ANKS1B: variants seen among roughly 807,000 people sequenced by gnomAD.
The protein encoded by ANKS1B is ankyrin repeat and sterile alpha motif domain-containing protein 1B.
Under a neutral mutation model 148.3 loss-of-function variants are expected in ANKS1B, and 36 were observed. The ratio of observed to expected loss-of-function variants is 0.24; its 90% confidence interval spans 0.19 to 0.32. The LOEUF (loss-of-function observed/expected upper bound fraction) is 0.32. Ranked by LOEUF, ANKS1B falls within the 10% of genes least tolerant of loss-of-function variation. The pLI is 1.00. For synonymous variants in ANKS1B, 542 were observed against 560.8 expected (o/e 0.97, Z 0.47); for missense variants, 1,157 against 1,542.6 (o/e 0.75, Z 4.19).
intron 17 of ANKS1B, among the ~76,000 whole-genome samples, chr12:98,840,093 G>T (rs1197092478): frequency 6.6e-6 from 1 of 152,146 alleles, no homozygotes; most frequent in African/African-American, 2.4e-5. Flanking sequence ...AACAAATGAA[G>T]CAGGGGAGAT....
At chr12:98,976,328 A>C (rs899756178) in intron 17 of ANKS1B, 7 of 152,242 alleles carry the variant, frequency 4.6e-5, no homozygotes, top group African/African-American at 7.2e-5. Context: ...AGTCAAGCCT[A>C]GCCATGCTAG....
At chr12:98,759,534 C>T (rs1257889657) in intron 25 of ANKS1B, among the ~76,000 whole-genome samples, 1 of 152,112 alleles carries the variant, frequency 6.6e-6, no homozygotes, top group Non-Finnish European at 1.5e-5. Context: ...AGATGGTGGG[C>T]AATCTGTCCC....
At chr12:99,836,778 G>A (rs565860600) in intron 1 of ANKS1B, among the ~76,000 whole-genome samples, 1 of 152,178 alleles carries the variant, frequency 6.6e-6, no homozygotes, top group Admixed American at 6.5e-5. Context: ...TCTCTGCATA[G>A]ATATAATTCC....
At chr12:99,466,628 A>G (rs1357543769) in intron 10 of ANKS1B, among the ~76,000 whole-genome samples, 1 of 150,538 alleles carries the variant, frequency 6.6e-6, no homozygotes, top group African/African-American at 2.5e-5. Context: ...TCCCACAGAA[A>G]TACAAACTAA....
chr12:99,441,631 G>T (rs535114068), intron 11 of ANKS1B, among the ~76,000 whole-genome samples: 2 of 151,976 alleles, frequency 1.3e-5, no homozygotes, highest in African/African-American at 4.8e-5. Flanking sequence ...GGCTGCATTG[G>T]TTCTAATTTA....
chr12:99,055,225 C>T (rs1190409926), intron 16 of ANKS1B, among the ~76,000 whole-genome samples: 1 of 152,156 alleles, frequency 6.6e-6, no homozygotes, highest in African/African-American at 2.4e-5. Flanking sequence ...ACTCTGTTAA[C>T]CTAAATAATC....
intron 9 of ANKS1B, among the ~76,000 whole-genome samples, chr12:99,631,165 G>A (rs902473175): frequency 3.3e-5 from 5 of 152,120 alleles, no homozygotes; most frequent in Non-Finnish European, 7.3e-5. Flanking sequence ...CCAGTCTCGG[G>A]TATGTCTTTA....
At chr12:99,543,917 G>C (rs1311617987) in intron 9 of ANKS1B, among the ~76,000 whole-genome samples, 1 of 152,084 alleles carries the variant, frequency 6.6e-6, no homozygotes, top group African/African-American at 2.4e-5. Flanking sequence ...AACACATGAG[G>C]AATGCCTGTG....
At position 99,889,845 on chromosome 12, in the gene ANKS1B, G is replaced by A. The variant is rs189952880; in HGVS notation, c.135-64456C>T. ...AGAACCTAAATATTAGGCTGGAATCGTGGTACATCTTTAGCTCTTCCAGAA... is the reference window on the plus strand; with the variant it reads ...AGAACCTAAATATTAGGCTGGAATCATGGTACATCTTTAGCTCTTCCAGAA... On this transcript the variant is annotated intron_variant, in intron 1 of 26. Transcript: ENST00000683438. Among the ~76,000 whole-genome samples, 12 of 152,260 alleles carry A rather than the reference G, an allele frequency of 7.9e-5. No individual in the cohort carries two copies. The East Asian group carries it at 1.5e-3, about 20-fold the overall frequency.
intron 14 of ANKS1B, among the ~76,000 whole-genome samples, chr12:99,171,596 G>A (rs1268257547): frequency 6.6e-6 from 1 of 152,118 alleles, no homozygotes; most frequent in Non-Finnish European, 1.5e-5. Flanking sequence ...GAGCACTTAA[G>A]AAATACCAGC....
At chr12:99,117,718 A>G (rs1363217378) in intron 15 of ANKS1B, among the ~76,000 whole-genome samples, 1 of 152,214 alleles carries the variant, frequency 6.6e-6, no homozygotes, top group Non-Finnish European at 1.5e-5. Context: ...TCATAAAATG[A>G]GTTAGGGAGG....
chr12:99,983,832 AGTACAT>A (rs1426079773), intron 1 of ANKS1B, among the ~76,000 whole-genome samples: 6 of 152,224 alleles, frequency 3.9e-5, no homozygotes, highest in African/African-American at 1.4e-4. Context: ...AAGCAACACT[AGTACAT>A]GTACAAGTTC....
At chr12:99,001,795 T>C (rs2099933181) in intron 17 of ANKS1B, among the ~76,000 whole-genome samples, 9 of 152,240 alleles carry the variant, frequency 5.9e-5, no homozygotes, top group Admixed American at 4.6e-4. Context: ...CATCCTTTGC[T>C]CAACATCTAT....
intron 10 of ANKS1B, among the ~76,000 whole-genome samples, chr12:99,465,968 AC>A: frequency 6.6e-6 from 1 of 152,246 alleles, no homozygotes; most frequent in East Asian, 1.9e-4. Flanking sequence ...AGAACTCTCC[AC>A]CCCAAATCAA....
chr12:99,483,166 T>C (rs1419937129), intron 10 of ANKS1B, among the ~76,000 whole-genome samples: 1 of 151,950 alleles, frequency 6.6e-6, no homozygotes, highest in Non-Finnish European at 1.5e-5. Flanking sequence ...TATTTTGAGA[T>C]AGGTCCCTTC....
At chr12:98,940,841 T>C (rs1477115826) in intron 17 of ANKS1B, among the ~76,000 whole-genome samples, 1 of 152,190 alleles carries the variant, frequency 6.6e-6, no homozygotes, top group African/African-American at 2.4e-5. Flanking sequence ...TTTGAATATG[T>C]CATTGAAAGG....
At chr12:98,945,534 A>G (rs1312389562) in intron 17 of ANKS1B, among the ~76,000 whole-genome samples, 1 of 148,246 alleles carries the variant, frequency 6.7e-6, no homozygotes, top group Non-Finnish European at 1.5e-5. Flanking sequence ...AAAAAAAAAA[A>G]GGGAGAGAGA....
intron 10 of ANKS1B, among the ~76,000 whole-genome samples, chr12:99,474,513 T>G (rs2096286581): frequency 6.6e-6 from 1 of 151,942 alleles, no homozygotes; most frequent in South Asian, 2.1e-4. Flanking sequence ...GTTAGACACA[T>G]TTTTTTAAAA....
At chr12:98,848,580 G>GAGA (rs2099497692) in intron 17 of ANKS1B, among the ~76,000 whole-genome samples, 1 of 134,158 alleles carries the variant, frequency 7.5e-6, no homozygotes, top group Non-Finnish European at 1.6e-5. Context: ...TTTTTTTGAT[G>GAGA]CGGAGTCTCG....
Sources: allele counts gnomAD v4.1 joint callset (sites outside exome capture counted in the v4.1 genomes callset), GRCh38; gene constraint gnomAD v4.1.1; transcripts MANE v1.5; gene names NCBI Gene and HGNC (gene_info 2026-07-23, HGNC 2026-07-21).